The following SLC24A2 variants were observed in gnomAD, a reference collection of about 807,000 sequenced individuals.
SLC24A2 encodes the protein sodium/potassium/calcium exchanger 2.
SLC24A2 carries 36 observed loss-of-function variants against 62.0 expected under a neutral mutation model. The observed-to-expected ratio is 0.58, with a 90% CI of 0.44 to 0.77. The LOEUF (loss-of-function observed/expected upper bound fraction) is 0.77, where lower values mean the gene tolerates loss of function less well. SLC24A2 is among the 30% of genes least tolerant of loss of function. SLC24A2 has a pLI of 0.00. For synonymous variants in SLC24A2, 358 were observed against 294.0 expected (o/e 1.22, Z -2.23); for missense variants, 846 against 817.9 (o/e 1.03, Z -0.42).
the SLC24A2 span, chr9:19,895,823 G>A: frequency 6.2e-7 from 1 of 1,602,202 alleles, no homozygotes; most frequent in Non-Finnish European, 8.5e-7. Context: ...CAGCTGGTGT[G>A]GAAGGACCGC....
the SLC24A2 span, among the ~76,000 whole-genome samples, chr9:19,847,914 A>G: frequency 1.3e-5 from 2 of 152,220 alleles, no homozygotes; most frequent in African/African-American, 4.8e-5. Context: ...TTATGTTTGG[A>G]TAGACAAGGC....
the SLC24A2 span, among the ~76,000 whole-genome samples, chr9:20,075,436 T>C: frequency 6.6e-6 from 1 of 152,196 alleles, no homozygotes; most frequent in Non-Finnish European, 1.5e-5. Context: ...CCAAAGACTG[T>C]AATTTTAAGC....
At chr9:19,825,233 G>T in the SLC24A2 span, among the ~76,000 whole-genome samples, 1 of 152,090 alleles carries the variant, frequency 6.6e-6, no homozygotes, top group Admixed American at 6.6e-5. Context: ...AATAGCCATT[G>T]TTTTAACCAT....
chr9:19,813,924 C>A, the SLC24A2 span, among the ~76,000 whole-genome samples: 1 of 152,140 alleles, frequency 6.6e-6, no homozygotes, highest in East Asian at 1.9e-4. Flanking sequence ...GACTTCCCAA[C>A]CTCCAGAAGT....
At chr9:20,263,188 A>G in the SLC24A2 span, among the ~76,000 whole-genome samples, 22,222 of 152,170 alleles carry the variant, frequency 0.15, 2,636 homozygotes, top group East Asian at 0.53. Context: ...ACCTGGAAGG[A>G]TAGTCAGCAA....
At chr9:19,572,607 C>A (rs1835871477) in intron 7 of SLC24A2, among the ~76,000 whole-genome samples, 1 of 152,170 alleles carries the variant, frequency 6.6e-6, no homozygotes, top group Non-Finnish European at 1.5e-5. Flanking sequence ...TTTCCTGAGG[C>A]CTCTCAGTCA....
the SLC24A2 span, among the ~76,000 whole-genome samples, chr9:20,224,603 G>GT: frequency 6.6e-6 from 1 of 150,618 alleles, no homozygotes; most frequent in African/African-American, 2.4e-5. Flanking sequence ...CTAGAATAGT[G>GT]TTTTTAAAAC....
the SLC24A2 span, among the ~76,000 whole-genome samples, chr9:19,837,906 A>G: frequency 1.7e-3 from 265 of 152,198 alleles, 3 homozygotes; most frequent in African/African-American, 5.7e-3. Flanking sequence ...CCACTGCTCA[A>G]TGAAATAAAA....
intron 2 of SLC24A2, among the ~76,000 whole-genome samples, chr9:19,747,851 C>T (rs909374918): frequency 6.6e-5 from 10 of 152,126 alleles, no homozygotes; most frequent in African/African-American, 2.4e-4. Flanking sequence ...ATCCATTTCA[C>T]CCACACATAT....
the SLC24A2 span, among the ~76,000 whole-genome samples, chr9:20,010,934 A>T: frequency 5.9e-5 from 9 of 152,204 alleles, no homozygotes; most frequent in Admixed American, 3.3e-4. Flanking sequence ...ACAAAGGACA[A>T]GAACTCATCA....
chr9:19,852,357 CA>C, the SLC24A2 span, among the ~76,000 whole-genome samples: 3 of 152,126 alleles, frequency 2.0e-5, no homozygotes, highest in African/African-American at 7.2e-5. Flanking sequence ...GCTTTCATTG[CA>C]ATTGCTTTGG....
chr9:19,943,168 C>G, the SLC24A2 span, among the ~76,000 whole-genome samples: 4 of 152,130 alleles, frequency 2.6e-5, no homozygotes, highest in East Asian at 7.7e-4. Context: ...TACAAATGTG[C>G]TACTCAGAGA....
the SLC24A2 span, among the ~76,000 whole-genome samples, chr9:19,856,320 C>T: frequency 6.6e-6 from 1 of 152,228 alleles, no homozygotes; most frequent in South Asian, 2.1e-4. Flanking sequence ...CAGTTCTGTG[C>T]CTTTGTTGGA....
chr9:19,720,347 G>A (rs564900560), intron 2 of SLC24A2, among the ~76,000 whole-genome samples: 1 of 152,272 alleles, frequency 6.6e-6, no homozygotes, highest in South Asian at 2.1e-4. Flanking sequence ...GGGCTTTGGG[G>A]ACATCACTTT....
At chr9:19,782,257 G>GA (rs905922703) in intron 2 of SLC24A2, among the ~76,000 whole-genome samples, 6 of 152,156 alleles carry the variant, frequency 3.9e-5, no homozygotes, top group African/African-American at 1.4e-4. Flanking sequence ...CGAATGATCT[G>GA]AAACTTAACT....
chr9:19,869,211 G>A, the SLC24A2 span, among the ~76,000 whole-genome samples: 1 of 152,058 alleles, frequency 6.6e-6, no homozygotes, highest in African/African-American at 2.4e-5. Flanking sequence ...AAACTCCTAG[G>A]CTCAAGCAGT....
chr9:20,168,292 G>C, the SLC24A2 span, among the ~76,000 whole-genome samples: 10 of 151,948 alleles, frequency 6.6e-5, no homozygotes, highest in Middle Eastern at 6.8e-3. Flanking sequence ...TGTTCTCTAA[G>C]CTTAAAATTA....
At chr9:20,227,780 T>C in the SLC24A2 span, among the ~76,000 whole-genome samples, 5 of 152,148 alleles carry the variant, frequency 3.3e-5, no homozygotes, top group African/African-American at 4.8e-5. Context: ...CCCATGTCTA[T>C]TGGGATAATT....
At chr9:19,910,083 T>C in the SLC24A2 span, among the ~76,000 whole-genome samples, 3 of 152,156 alleles carry the variant, frequency 2.0e-5, no homozygotes, top group Admixed American at 6.5e-5. Flanking sequence ...TCTGTCTTCC[T>C]GAAATGTATA....
Sources: gnomAD v4.1 joint callset for allele counts (sites outside exome capture counted in the v4.1 genomes callset) on GRCh38, gnomAD v4.1.1 for gene constraint, MANE v1.5 for transcripts, NCBI Gene and HGNC (gene_info 2026-07-23, HGNC 2026-07-21) for gene names.